Variants in SCYL2 observed in about 807,000 individuals in gnomAD.
The protein encoded by SCYL2 is SCY1-like protein 2.
Under a neutral mutation model 100.4 loss-of-function variants are expected in SCYL2, and 36 were observed. The observed-to-expected ratio is 0.36, with a 90% CI of 0.27 to 0.47. The LOEUF (loss-of-function observed/expected upper bound fraction) is 0.47. Ranked by LOEUF, SCYL2 falls within the 20% of genes least tolerant of loss-of-function variation. The pLI, the probability that SCYL2 is intolerant of heterozygous loss-of-function variation, is 1.00. For synonymous variants in SCYL2, 330 were observed against 359.2 expected (o/e 0.92, Z 0.92); for missense variants, 902 against 1,083.9 (o/e 0.83, Z 2.36).
intron 3 of SCYL2, among the ~76,000 whole-genome samples, chr12:100,297,251 G>T (rs998062416): frequency 3.3e-5 from 5 of 152,102 alleles, no homozygotes; most frequent in African/African-American, 1.2e-4. Flanking sequence ...TTCAAGGTGG[G>T]TCTATTATCA....
At chr12:100,275,393 G>A (rs2096291511) in intron 1 of SCYL2, among the ~76,000 whole-genome samples, 1 of 151,956 alleles carries the variant, frequency 6.6e-6, no homozygotes. Context: ...TTGGAGTCTT[G>A]ATATGTTACC....
At chr12:100,283,181 C>T (rs770535255) in intron 2 of SCYL2, 34 bp downstream of exon 2, 72 of 1,539,606 alleles carry the variant, frequency 4.7e-5, no homozygotes, top group Non-Finnish European at 6.0e-5. Context: ...TTGGAAAAAA[C>T]CCACATGCTA....
chr12:100,289,837 T>C (rs1251429868), intron 2 of SCYL2, among the ~76,000 whole-genome samples: 1 of 152,216 alleles, frequency 6.6e-6, no homozygotes, highest in African/African-American at 2.4e-5. Context: ...TGGGTTTATA[T>C]CACATCATTT....
rs115521777 is a variant in SCYL2, at chr12:100,312,071, A to G, written c.631-361A>G. On this transcript the variant is annotated intron_variant, in intron 5 of 17. Transcript: ENST00000360820. ...CTACAATCTTTTGAACTTTTTAACTAAATCACATAGCTAATTAGTGAAAGA... is the reference window on the plus strand; with the variant it reads ...CTACAATCTTTTGAACTTTTTAACTGAATCACATAGCTAATTAGTGAAAGA... Among the ~76,000 whole-genome samples, 1,266 of 152,334 alleles carry G rather than the reference A, an allele frequency of 8.3e-3. 18 individuals are homozygous for G. Among genetic ancestry groups the G allele is most frequent in the African/African-American group, 0.028 (1,182 of 41,576 alleles).
intron 4 of SCYL2, 80 bp from the exon 5 acceptor site, chr12:100,310,961 CAAT>C (rs1413409989): frequency 2.3e-6 from 3 of 1,285,704 alleles, no homozygotes; most frequent in African/African-American, 3.1e-5. Context: ...TGAAGAGTAG[CAAT>C]AATTATTATT....
intron 10 of SCYL2, chr12:100,319,424 G>C (rs556196214): frequency 5.8e-5 from 18 of 310,204 alleles, no homozygotes; most frequent in Non-Finnish European, 9.6e-5. Flanking sequence ...AAGATTAAGT[G>C]ACATGAAATC....
intron 9 of SCYL2, chr12:100,317,597 T>G: frequency 8.3e-7 from 1 of 1,202,390 alleles, no homozygotes; most frequent in Non-Finnish European, 1.1e-6. Context: ...TAATTAACAT[T>G]TAAACTCAGA....
chr12:100,282,800 A>T (rs2096300329), intron 1 of SCYL2, 143 bp from the exon 2 acceptor site: 1 of 404,148 alleles, frequency 2.5e-6, no homozygotes, highest in African/African-American at 2.1e-5. Flanking sequence ...TTCTCTGAAG[A>T]TAAAACCAAC....
intron 4 of SCYL2, among the ~76,000 whole-genome samples, chr12:100,305,560 C>T (rs1349363909): frequency 6.6e-6 from 1 of 152,056 alleles, no homozygotes. Flanking sequence ...CAGAAAAGAT[C>T]TAAAATCAAC....
chr12:100,295,303 G>C (rs11110333), intron 3 of SCYL2, among the ~76,000 whole-genome samples: 1 of 152,166 alleles, frequency 6.6e-6, no homozygotes, highest in South Asian at 2.1e-4. Flanking sequence ...GGTGGCGGCC[G>C]GGCAGAGGAT....
intron 12 of SCYL2, among the ~76,000 whole-genome samples, chr12:100,327,750 G>C (rs1952150569): frequency 6.6e-6 from 1 of 152,010 alleles, no homozygotes; most frequent in African/African-American, 2.4e-5. Flanking sequence ...TCCTGACCTT[G>C]TGATCCACCT....
chr12:100,316,888 G>A (rs1415417178), intron 9 of SCYL2, among the ~76,000 whole-genome samples: 1 of 152,110 alleles, frequency 6.6e-6, no homozygotes, highest in Non-Finnish European at 1.5e-5. Flanking sequence ...GATTGCTTGA[G>A]CCCAGGAGTT....
Position 100,295,889 on chromosome 12 carries a change from T to A in SCYL2, c.336-2142T>A, listed in dbSNP as rs752855263. 2.3e-3 allele frequency among the ~76,000 whole-genome samples: 348 copies of A among 152,214 alleles called. 1 individual carries two copies. The highest frequency in any genetic ancestry group is 3.7e-3 in the Non-Finnish European group (249 of 67,994). On this transcript the variant is annotated intron_variant, in intron 3 of 17. Transcript: ENST00000360820. ...GCAGACTGGAGTTGCCAGCCTAGGC[T>A]GGGCTGTGAGCTCCATGGAGCAGAT...
At chr12:100,288,561 C>A (rs1216991788) in intron 2 of SCYL2, among the ~76,000 whole-genome samples, 1 of 152,100 alleles carries the variant, frequency 6.6e-6, no homozygotes, top group Non-Finnish European at 1.5e-5. Context: ...TTGAGCTGAG[C>A]ACGGTGGCTC....
Position 100,307,708 on chromosome 12 carries a change from A to G in SCYL2, c.481-3336A>G, listed in dbSNP as rs904659268. ...AAACTATCATCAAAGTGAACAGGCAACCTACAGAATGGGAGGAAAATTTTG... is the reference window on the plus strand; with the variant it reads ...AAACTATCATCAAAGTGAACAGGCAGCCTACAGAATGGGAGGAAAATTTTG... On this transcript the variant is annotated intron_variant, in intron 4 of 17. Coordinates refer to ENST00000360820, the MANE Select transcript of SCYL2 (RefSeq NM_017988.6). Among the ~76,000 whole-genome samples, 9 of 152,228 alleles carry G rather than the reference A, an allele frequency of 5.9e-5. 1 individual carries two copies. The highest frequency in any genetic ancestry group is 3.9e-4 in the Admixed American group (6 of 15,286).
chr12:100,294,201 G>T (rs182599740), intron 3 of SCYL2, among the ~76,000 whole-genome samples: 1 of 140,456 alleles, frequency 7.1e-6, no homozygotes, highest in Non-Finnish European at 1.6e-5. Flanking sequence ...CTGGCCAGGC[G>T]GGGGGGTGAC....
intron 1 of SCYL2, among the ~76,000 whole-genome samples, chr12:100,278,589 GTTCTTTGGCATGTGTTGT>G (rs1234846362): frequency 2.0e-5 from 3 of 146,954 alleles, no homozygotes; most frequent in Non-Finnish European, 4.5e-5. Flanking sequence ...TCATTCAGTT[GTTCTTTGGCATGTGTTGT>G]TTCTGCCAAA....
At chr12:100,299,316 G>A (rs2096324759) in intron 4 of SCYL2, among the ~76,000 whole-genome samples, 1 of 152,050 alleles carries the variant, frequency 6.6e-6, no homozygotes, top group South Asian at 2.1e-4. Context: ...TTCCTTTTGG[G>A]CAGACATTAT....
At chr12:100,330,693 C>A (rs1003646247) in intron 13 of SCYL2, among the ~76,000 whole-genome samples, 7 of 152,000 alleles carry the variant, frequency 4.6e-5, no homozygotes, top group Non-Finnish European at 1.0e-4. Flanking sequence ...AAGTTGAGAG[C>A]GTTTGGCATT....
Sources: gnomAD v4.1 joint callset for allele counts (sites outside exome capture counted in the v4.1 genomes callset) on GRCh38, gnomAD v4.1.1 for gene constraint, MANE v1.5 for transcripts, NCBI Gene and HGNC (gene_info 2026-07-23, HGNC 2026-07-21) for gene names.